The following TASL variants were observed in gnomAD, a reference collection of about 807,000 sequenced individuals.
TASL encodes TLR adapter interacting with SLC15A4 on the lysosome.
TASL carries 6 observed loss-of-function variants against 12.9 expected under a neutral mutation model. The observed-to-expected ratio is 0.46, with a 90% CI of 0.25 to 0.92. The LOEUF (loss-of-function observed/expected upper bound fraction) is 0.92. TASL is among the 40% of genes least tolerant of loss of function. The pLI, the probability that TASL is intolerant of heterozygous loss-of-function variation, is 0.17. For synonymous variants in TASL, 85 were observed against 79.3 expected, an observed-to-expected ratio of 1.07 and a Z score of -0.38; for missense variants, 165 against 212.8, an observed-to-expected ratio of 0.78 and a Z score of 1.40.
Position 30,559,894 on chromosome X carries a change from A to G in TASL, c.462T>C (p.Pro154=), listed in dbSNP as rs752578086. 7 of 1,211,871 alleles carry G rather than the reference A, an allele frequency of 5.8e-6. No homozygotes were observed. The East Asian group carries it at 2.1e-4, about 36-fold the overall frequency. ...AAGGAATCTCAGATGACTTCAGCAA[A>G]GGGCCATATTCAAAACTGCTCTCAG... is the stretch of plus-strand genomic sequence containing the variant. ...FPSESSFEYG[P]LLKSSEIPLP... The change falls in exon 3 of 3, where the codon CCT becomes CCC. Residue 154 remains proline, a synonymous_variant. Transcript: ENST00000378962.
At chrX:30,573,694 G>C (rs1011707877) in intron 2 of TASL, among the ~76,000 whole-genome samples, 5 of 110,850 alleles carry the variant, frequency 4.5e-5, no homozygotes, top group African/African-American at 1.6e-4. Flanking sequence ...GAGGTGGGTG[G>C]ATCACCTGAG....
At chrX:30,562,710 G>A (rs1240340162) in intron 2 of TASL, among the ~76,000 whole-genome samples, 1 of 110,565 alleles carries the variant, frequency 9.0e-6, no homozygotes, top group African/African-American at 3.3e-5. Flanking sequence ...AGTGACTGAG[G>A]AAATCCTGAT....
intron 2 of TASL, among the ~76,000 whole-genome samples, chrX:30,563,101 G>A (rs1355240813): frequency 9.0e-6 from 1 of 111,672 alleles, no homozygotes; most frequent in Non-Finnish European, 1.9e-5. Flanking sequence ...ATCTTGAATT[G>A]TAGTTCCCAT....
At chrX:30,576,119 T>G (rs889578955) in intron 2 of TASL, among the ~76,000 whole-genome samples, 1 of 112,133 alleles carries the variant, frequency 8.9e-6, no homozygotes, top group Non-Finnish European at 1.9e-5. Flanking sequence ...GATTCTTGAT[T>G]GGATCCTGGA....
intron 2 of TASL, among the ~76,000 whole-genome samples, chrX:30,571,859 A>T (rs890062452): frequency 1.8e-5 from 2 of 111,029 alleles, no homozygotes; most frequent in African/African-American, 6.5e-5. Context: ...CTTCAAACAG[A>T]TGTTAACATA....
At chrX:30,571,176 G>A (rs191800325) in intron 2 of TASL, among the ~76,000 whole-genome samples, 270 of 100,224 alleles carry the variant, frequency 2.7e-3, no homozygotes, top group African/African-American at 9.3e-3. Flanking sequence ...GCAAAATTTA[G>A]TCTCAGAAAA....
intron 2 of TASL, among the ~76,000 whole-genome samples, chrX:30,574,118 T>A (rs1038915261): frequency 9.1e-6 from 1 of 110,053 alleles, no homozygotes; most frequent in Non-Finnish European, 1.9e-5. Flanking sequence ...CCCTTCCCAG[T>A]TCACCTGAGC....
chrX:30,571,276 AAG>A (rs758345430), intron 2 of TASL, among the ~76,000 whole-genome samples: 11 of 62,248 alleles, frequency 1.8e-4, no homozygotes, highest in Non-Finnish European at 2.8e-4. Flanking sequence ...GAAAGAAAGA[AAG>A]AAAGAAAGAA....
chrX:30,561,620 A>G (rs1218328865), intron 2 of TASL, among the ~76,000 whole-genome samples: 1 of 112,070 alleles, frequency 8.9e-6, no homozygotes, highest in Non-Finnish European at 1.9e-5. Context: ...TCTCTTTTAC[A>G]TTCATGTAAT....
Position 30,563,881 on chromosome X carries a change from G to A in TASL, c.-1-3525C>T, listed in dbSNP as rs12007459. ...AGAAGAAGAGCAATTGACATCAGAG[G>A]TTCCCCAACTCAACAGGCAACCAGA... On this transcript the variant is annotated intron_variant, in intron 2 of 2. Transcript: ENST00000378962. Among the ~76,000 whole-genome samples, 892 of 111,530 alleles carry A rather than the reference G, an allele frequency of 8.0e-3. 10 individuals are homozygous for A. The highest frequency in any genetic ancestry group is 0.028 in the African/African-American group (844 of 30,664).
intron 2 of TASL, among the ~76,000 whole-genome samples, chrX:30,564,719 C>T (rs1353566252): frequency 1.8e-5 from 2 of 111,970 alleles, no homozygotes; most frequent in East Asian, 5.6e-4. Context: ...AAGCACCTTT[C>T]TCAGAAAGTC....
chrX:30,577,509 C>G (rs1267410896), intron 1 of TASL, 129 bp downstream of exon 1: 1 of 111,930 alleles, frequency 8.9e-6, no homozygotes, highest in Admixed American at 9.5e-5. Context: ...ATATGGTAAG[C>G]TAGAAAAGCA....
intron 2 of TASL, among the ~76,000 whole-genome samples, chrX:30,568,111 G>A (rs986995683): frequency 1.3e-4 from 14 of 110,656 alleles, no homozygotes; most frequent in African/African-American, 4.0e-4. Flanking sequence ...GGTGGCAGAC[G>A]CCTGTAATCC....
At chrX:30,572,048 T>G in intron 2 of TASL, among the ~76,000 whole-genome samples, 1 of 111,310 alleles carries the variant, frequency 9.0e-6, no homozygotes, top group South Asian at 3.7e-4. Context: ...ATATAAAATG[T>G]ATAAAATTCT....
chrX:30,569,734 C>T (rs1161215783), intron 2 of TASL, among the ~76,000 whole-genome samples: 1 of 111,401 alleles, frequency 9.0e-6, no homozygotes, highest in Non-Finnish European at 1.9e-5. Context: ...ATATTCGGGC[C>T]GGGCACGGTG....
chrX:30,559,344 G>A lies in TASL; in HGVS notation c.*106C>T. ...CTTCCAGCTGATCTTTACTTCTCTA[G>A]CCCTTAATTCCCCTTCACTAACCCC... On this transcript the variant is annotated 3_prime_UTR_variant, in exon 3 of 3. Transcript: ENST00000378962. 1 of 566,841 alleles carries A rather than the reference G, an allele frequency of 1.8e-6. No individual in the cohort carries two copies. 46.7% of individuals were successfully genotyped at this position (566,841 alleles called of 1,213,427 possible).
At chrX:30,566,073 T>C (rs1930493210) in intron 2 of TASL, among the ~76,000 whole-genome samples, 1 of 109,727 alleles carries the variant, frequency 9.1e-6, no homozygotes, top group Non-Finnish European at 1.9e-5. Flanking sequence ...ACCCAGCCTA[T>C]AATTGCAATT....
chrX:30,577,350 G>C (rs150389596), intron 1 of TASL, among the ~76,000 whole-genome samples: 1 of 112,303 alleles, frequency 8.9e-6, no homozygotes, highest in East Asian at 2.8e-4. Context: ...TATTTGCTCA[G>C]ATCAGTCAAA....
Position 30,560,375 on chromosome X carries a change from A to G in TASL, c.-1-19T>C. 5.5e-6 allele frequency: 6 copies of G among 1,096,675 alleles called. No individual in the cohort carries two copies. The highest frequency in any genetic ancestry group is 6.1e-6 in the Non-Finnish European group (5 of 819,345). The allele number at this position is 1,096,675 out of a possible 1,213,427, so 90.4% of individuals were successfully genotyped here. A position where few individuals can be genotyped will look rare whatever the true frequency, so the allele number is the denominator to read the frequency against. On this transcript the variant is annotated intron_variant, in intron 2 of 2. Transcript: ENST00000378962. The stretch of plus-strand genomic sequence containing the variant: ...CAGCATTCTGGAAAGAGAATTGATG[A>G]GTAAGAATGGGGAAAAAGAATACTG...
Sources: allele counts gnomAD v4.1 joint callset (sites outside exome capture counted in the v4.1 genomes callset), GRCh38; gene constraint gnomAD v4.1.1; transcripts MANE v1.5; gene names NCBI Gene and HGNC (gene_info 2026-07-23, HGNC 2026-07-21).